FGGY: variants seen among roughly 807,000 people sequenced by gnomAD.
FGGY encodes FGGY carbohydrate kinase domain-containing protein.
In FGGY, 72 loss-of-function variants were observed where a neutral mutation model predicts 71.3. The observed-to-expected ratio is 1.01, with a 90% CI of 0.84 to 1.23. The LOEUF is 1.23. Ranked by LOEUF, FGGY falls within the 50% of genes most tolerant of loss-of-function variation. The probability of loss-of-function intolerance (pLI) is 0.00; values close to 1 mark genes in which losing one functional copy is unlikely to be tolerated. For synonymous variants in FGGY, 251 were observed against 250.3 expected (o/e 1.00, Z -0.02); for missense variants, 668 against 682.3 (o/e 0.98, Z 0.23).
chr1:59,547,587 A>T (rs895261908), intron 7 of FGGY, among the ~76,000 whole-genome samples: 2 of 152,178 alleles, frequency 1.3e-5, no homozygotes, highest in East Asian at 1.9e-4. Flanking sequence ...AATCAAAGTG[A>T]TAATAACTAC....
chr1:59,671,523 A>G (rs959330081), intron 13 of FGGY, among the ~76,000 whole-genome samples: 15 of 152,210 alleles, frequency 9.9e-5, no homozygotes, highest in Admixed American at 4.6e-4. Context: ...TCCCAGGCTC[A>G]GAGTAGGTGG....
At chr1:59,704,967 G>A (rs183535468) in intron 14 of FGGY, among the ~76,000 whole-genome samples, 3 of 152,180 alleles carry the variant, frequency 2.0e-5, no homozygotes, top group East Asian at 1.9e-4. Context: ...GCCAATTTTC[G>A]GGCAGAAAAT....
rs536324725 is a variant in FGGY, at chr1:59,319,004, G to A, written c.-14-2532G>A. On this transcript the variant is annotated intron_variant, in intron 1 of 15. Transcript: ENST00000303721. ...GCTAATAAAATTGAGGAAACTCAGC[G>A]AAGGCATTGCCCCTATTTTGTCAAT... Among the ~76,000 whole-genome samples the A allele has an allele frequency of 1.4e-4, 22 of 152,328 alleles. No homozygotes were observed. The South Asian group carries it at 1.7e-3, about 11-fold the overall frequency.
intron 5 of FGGY, among the ~76,000 whole-genome samples, chr1:59,407,854 A>G (rs1288525897): frequency 1.3e-5 from 2 of 152,206 alleles, no homozygotes; most frequent in African/African-American, 2.4e-5. Flanking sequence ...GAACCGCTGT[A>G]CCAAGTGGCA....
chr1:59,473,402 G>A (rs1291936904), intron 6 of FGGY, among the ~76,000 whole-genome samples: 7 of 152,114 alleles, frequency 4.6e-5, no homozygotes, highest in African/African-American at 7.2e-5. Context: ...CTCCGGACAC[G>A]CCACCTTTAA....
chr1:59,600,590 C>T (rs544200437), intron 8 of FGGY, among the ~76,000 whole-genome samples: 19 of 152,324 alleles, frequency 1.2e-4, no homozygotes, highest in Non-Finnish European at 2.5e-4. Context: ...GCTCTTTGGA[C>T]ACCAAACTTT....
intron 14 of FGGY, among the ~76,000 whole-genome samples, chr1:59,692,496 GC>G (rs1274981146): frequency 6.6e-6 from 1 of 152,124 alleles, no homozygotes; most frequent in Non-Finnish European, 1.5e-5. Flanking sequence ...GTGTGACAAA[GC>G]CTCTGTTTTA....
chr1:59,494,696 G>A (rs955750562), intron 6 of FGGY, among the ~76,000 whole-genome samples: 1 of 152,128 alleles, frequency 6.6e-6, no homozygotes, highest in African/African-American at 2.4e-5. Flanking sequence ...TAATACTGTT[G>A]CCCACAAGGA....
chr1:59,525,881 A>G (rs1003181303), intron 7 of FGGY, among the ~76,000 whole-genome samples: 6 of 152,232 alleles, frequency 3.9e-5, no homozygotes, highest in Admixed American at 6.5e-5. Flanking sequence ...AAGTGTCTTC[A>G]TACACATGTG....
intron 5 of FGGY, among the ~76,000 whole-genome samples, chr1:59,402,936 C>A (rs985494025): frequency 3.9e-5 from 6 of 152,132 alleles, no homozygotes; most frequent in Admixed American, 3.9e-4. Context: ...ATCAGGAAAG[C>A]CTGGGTATGG....
chr1:59,407,498 G>C (rs766755174), intron 5 of FGGY, among the ~76,000 whole-genome samples: 1 of 152,082 alleles, frequency 6.6e-6, no homozygotes, highest in African/African-American at 2.4e-5. Context: ...CTCTTGTCCT[G>C]AGCTTATTTG....
At chr1:59,339,095 TA>T (rs1432675335) in intron 2 of FGGY, among the ~76,000 whole-genome samples, 6 of 152,232 alleles carry the variant, frequency 3.9e-5, no homozygotes, top group Non-Finnish European at 5.9e-5. Context: ...ACAAAATCAT[TA>T]AAAATATTGT....
intron 14 of FGGY, among the ~76,000 whole-genome samples, chr1:59,695,055 A>G (rs2097645446): frequency 6.6e-6 from 1 of 152,220 alleles, no homozygotes; most frequent in Non-Finnish European, 1.5e-5. Flanking sequence ...GCATAGTACC[A>G]CAAAACAGGT....
intron 9 of FGGY, among the ~76,000 whole-genome samples, chr1:59,625,719 T>G (rs924258645): frequency 6.6e-6 from 1 of 152,152 alleles, no homozygotes; most frequent in African/African-American, 2.4e-5. Context: ...GCTAACCTGC[T>G]TCTACCAGTT....
intron 14 of FGGY, among the ~76,000 whole-genome samples, chr1:59,703,842 G>T (rs1293810896): frequency 6.6e-6 from 1 of 152,204 alleles, no homozygotes; most frequent in Non-Finnish European, 1.5e-5. Context: ...AGGAACATCT[G>T]ATATGTTTTA....
intron 13 of FGGY, among the ~76,000 whole-genome samples, chr1:59,672,820 T>G (rs894238590): frequency 1.3e-5 from 2 of 152,198 alleles, no homozygotes; most frequent in African/African-American, 4.8e-5. Context: ...TCTGTAAAGT[T>G]TGCTGCCATC....
chr1:59,347,647 T>C (rs1461019384), intron 4 of FGGY, among the ~76,000 whole-genome samples: 2 of 152,030 alleles, frequency 1.3e-5, no homozygotes, highest in African/African-American at 4.8e-5. Flanking sequence ...TCAGAAATAA[T>C]GCCACATATC....
chr1:59,301,901 C>T lies in FGGY; in HGVS notation c.-15+4751C>T, dbSNP rs1222567148. ...GCTGATTTTGTATTTTTCTTTCTTT[C>T]TTTTTTTTTTTTTTAAGTAGAGATG... On this transcript the variant is annotated intron_variant, in intron 1 of 15. Coordinates refer to ENST00000303721, the MANE Select transcript of FGGY (RefSeq NM_018291.5). Among the ~76,000 whole-genome samples, 268 of 138,392 alleles carry T rather than the reference C, an allele frequency of 1.9e-3. 1 individual carries two copies. Among genetic ancestry groups the T allele is most frequent in the African/African-American group, 6.9e-3 (259 of 37,622 alleles). 90.8% of individuals were successfully genotyped at this position (138,392 alleles called of 152,430 possible). A position where few individuals can be genotyped will look rare whatever the true frequency, so the allele number is the denominator to read the frequency against.
At chr1:59,593,443 T>C (rs1182673749) in intron 8 of FGGY, among the ~76,000 whole-genome samples, 3 of 152,248 alleles carry the variant, frequency 2.0e-5, no homozygotes, top group Non-Finnish European at 4.4e-5. Context: ...CGTGGCTGCC[T>C]GTCTTTGGGC....
Sources: gnomAD v4.1 joint callset for allele counts (sites outside exome capture counted in the v4.1 genomes callset) on GRCh38, gnomAD v4.1.1 for gene constraint, MANE v1.5 for transcripts, NCBI Gene and HGNC (gene_info 2026-07-23, HGNC 2026-07-21) for gene names.